C11orf65: variants seen among roughly 807,000 people sequenced by gnomAD.
C11orf65 encodes the protein chromosome 11 open reading frame 65.
In C11orf65, 38 loss-of-function variants were observed where a neutral mutation model predicts 35.3. The ratio of observed to expected loss-of-function variants is 1.08; its 90% CI spans 0.83 to 1.41. C11orf65 has a LOEUF of 1.41. Ranked by LOEUF, C11orf65 falls within the 40% of genes most tolerant of loss-of-function variation. The pLI, the probability that C11orf65 is intolerant of heterozygous loss-of-function variation, is 0.00. For synonymous variants in C11orf65, 105 were observed against 114.4 expected, an observed-to-expected ratio of 0.92 and a Z score of 0.53; for missense variants, 370 against 367.1, an observed-to-expected ratio of 1.01 and a Z score of -0.06.
At chr11:108,397,345 T>TA (rs2092338922) in intron 6 of C11orf65, among the ~76,000 whole-genome samples, 1 of 150,848 alleles carries the variant, frequency 6.6e-6, no homozygotes, top group Admixed American at 6.6e-5. Context: ...AGACATAAAA[T>TA]TTGTCTTCGT....
At position 108,405,464 on chromosome 11, in the gene C11orf65, T is replaced by C; in HGVS notation, c.525A>G (p.Lys175=). 1.2e-6 allele frequency: 2 copies of C among 1,613,310 alleles called. No homozygotes were observed. Among genetic ancestry groups the C allele is most frequent in the Non-Finnish European group, 1.7e-6 (2 of 1,179,860 alleles). ...KLKRRQDLEK[K]RKLRKIEWMR... ...TCCACTCTATTTTTCTAAGTTTTCT[T>C]TTCTTTTCCAAATCTTGCCTTCTCT... Residue 175 remains lysine, a synonymous_variant, in exon 6 of 9, where the codon AAA becomes AAG. Transcript: ENST00000393084.
chr11:108,428,464 T>C (rs1042294316), intron 3 of C11orf65, among the ~76,000 whole-genome samples: 58 of 152,188 alleles, frequency 3.8e-4, no homozygotes, highest in Middle Eastern at 3.2e-3. Context: ...ATATACACCA[T>C]GGAATACCAT....
At chr11:108,371,822 T>G (rs1035897329) in intron 2 of C11orf65, among the ~76,000 whole-genome samples, 1 of 152,234 alleles carries the variant, frequency 6.6e-6, no homozygotes, top group African/African-American at 2.4e-5. Context: ...TTTTCCACAG[T>G]GGCCGAACCA....
chr11:108,409,282 G>A (rs1231847985), intron 3 of C11orf65, among the ~76,000 whole-genome samples: 1 of 152,068 alleles, frequency 6.6e-6, no homozygotes, highest in Non-Finnish European at 1.5e-5. Flanking sequence ...GGGTTAAAAT[G>A]AATAAAACTA....
chr11:108,390,409 G>A (rs928580926), intron 7 of C11orf65, among the ~76,000 whole-genome samples: 3 of 152,130 alleles, frequency 2.0e-5, no homozygotes, highest in South Asian at 2.1e-4. Flanking sequence ...TATGTGGACC[G>A]AGATGCCTAT....
At chr11:108,397,607 AG>A (rs1462247809) in intron 6 of C11orf65, among the ~76,000 whole-genome samples, 4 of 152,174 alleles carry the variant, frequency 2.6e-5, no homozygotes, top group Admixed American at 1.3e-4. Flanking sequence ...TTAGTAAGAT[AG>A]GGGTAAAAAA....
At chr11:108,429,807 C>A (rs2092959487) in intron 3 of C11orf65, among the ~76,000 whole-genome samples, 2 of 152,104 alleles carry the variant, frequency 1.3e-5, no homozygotes, top group South Asian at 4.1e-4. Context: ...TATTATTCAG[C>A]CTTAAGAAAG....
chr11:108,370,736 TTGA>T (rs1363451209), intron 2 of C11orf65, among the ~76,000 whole-genome samples: 1 of 152,136 alleles, frequency 6.6e-6, no homozygotes, highest in East Asian at 1.9e-4. Flanking sequence ...TCTGCATTTA[TTGA>T]TGATGATTAT....
chr11:108,434,913 T>C (rs1414653358), intron 2 of C11orf65, among the ~76,000 whole-genome samples: 1 of 152,218 alleles, frequency 6.6e-6, no homozygotes, highest in Non-Finnish European at 1.5e-5. Flanking sequence ...TCATAAATCT[T>C]ACCTTGTTCC....
rs1035505324 is a variant in C11orf65, at chr11:108,467,496, T to G, written c.-35A>C. 1.3e-5 allele frequency: 2 copies of G among 152,572 alleles called. No individual in the cohort carries two copies. The highest frequency in any genetic ancestry group is 1.9e-4 in the East Asian group (1 of 5,184). 9.5% of individuals were successfully genotyped at this position (152,572 alleles called of 1,614,324 possible). Reference sequence around the variant, plus strand: ...CAATCGCTGCTGGCCCGGGCGCCGCTGGACTCCTAGGTAACGTCGCAGGCG... The same window carrying G: ...CAATCGCTGCTGGCCCGGGCGCCGCGGGACTCCTAGGTAACGTCGCAGGCG... On this transcript the variant is annotated 5_prime_UTR_variant, in exon 1 of 9. Transcript: ENST00000393084.
At position 108,408,681 on chromosome 11, in the gene C11orf65, A is replaced by C. The variant is rs7103401; in HGVS notation, c.175-1532T>G. Among the ~76,000 whole-genome samples the C allele has an allele frequency of 9.9e-3, 639 of 64,322 alleles. 13 individuals are homozygous for C. Among genetic ancestry groups the C allele is most frequent in the African/African-American group, 0.038 (577 of 15,198 alleles). 42.2% of individuals were successfully genotyped at this position (64,322 alleles called of 152,430 possible). A position where few individuals can be genotyped will look rare whatever the true frequency, so the allele number is the denominator to read the frequency against. The stretch of plus-strand genomic sequence containing the variant: ...ACAGAGACTCTGTCTCAATAAATAA[A>C]ATAAAATAAAATAAAATAAAATAAA... On this transcript the variant is annotated intron_variant, in intron 3 of 8. Coordinates refer to ENST00000393084, the MANE Select transcript of C11orf65 (RefSeq NM_152587.5).
intron 2 of C11orf65, among the ~76,000 whole-genome samples, chr11:108,443,909 A>T (rs1288474093): frequency 6.6e-6 from 1 of 152,202 alleles, no homozygotes; most frequent in Non-Finnish European, 1.5e-5. Flanking sequence ...AATTAAAAGA[A>T]CTAGAGAAGC....
chr11:108,345,638 C>A, intron 2 of C11orf65: 1 of 922,812 alleles, frequency 1.1e-6, no homozygotes, highest in Non-Finnish European at 1.6e-6. Flanking sequence ...GTATCCTGTT[C>A]ATCTTTATTG....
chr11:108,399,645 C>T (rs924066817), intron 6 of C11orf65, among the ~76,000 whole-genome samples: 1 of 152,194 alleles, frequency 6.6e-6, no homozygotes, highest in Non-Finnish European at 1.5e-5. Context: ...GTAGTGGTTG[C>T]AGGAGTATGA....
At chr11:108,327,731 G>A (rs143489373), downstream of C11orf65, 486 of 1,613,818 alleles carry the variant, frequency 3.0e-4, 1 homozygote, top group Non-Finnish European at 3.9e-4. Context: ...AAAATCCTGC[G>A]GTCATCATGC....
downstream of C11orf65, among the ~76,000 whole-genome samples, chr11:108,328,253 TTTC>T (rs1214017978): frequency 1.3e-5 from 2 of 152,162 alleles, no homozygotes; most frequent in African/African-American, 4.8e-5. Flanking sequence ...TTTCTTTTCT[TTTC>T]TTTTCTTTGA....
At chr11:108,389,192 T>C (rs1360277665) in intron 7 of C11orf65, among the ~76,000 whole-genome samples, 1 of 152,228 alleles carries the variant, frequency 6.6e-6, no homozygotes, top group African/African-American at 2.4e-5. Flanking sequence ...ACTTTTAAAT[T>C]TTCATCAAAC....
At chr11:108,381,768 T>C (rs1161044848), downstream of C11orf65, among the ~76,000 whole-genome samples, 1 of 152,260 alleles carries the variant, frequency 6.6e-6, no homozygotes, top group Non-Finnish European at 1.5e-5. Context: ...TGATTTTAAA[T>C]GTATTCACAA....
At chr11:108,456,351 A>G (rs774146792) in intron 2 of C11orf65, among the ~76,000 whole-genome samples, 1 of 152,182 alleles carries the variant, frequency 6.6e-6, no homozygotes, top group African/African-American at 2.4e-5. Flanking sequence ...AGTATACACA[A>G]CAATTAATTT....
Sources: gnomAD v4.1 joint callset for allele counts (sites outside exome capture counted in the v4.1 genomes callset) on GRCh38, gnomAD v4.1.1 for gene constraint, MANE v1.5 for transcripts, NCBI Gene and HGNC (gene_info 2026-07-23, HGNC 2026-07-21) for gene names.